The following ENTREP2 variants were observed in gnomAD, a reference collection of about 807,000 sequenced individuals.
ENTREP2 encodes endosomal transmembrane epsin interactor 2.
chr15:29,221,610 G>A, the ENTREP2 span, among the ~76,000 whole-genome samples: 1 of 152,106 alleles, frequency 6.6e-6, no homozygotes, highest in African/African-American at 2.4e-5. Context: ...GAGAGACATG[G>A]AATAAGTTAG....
At chr15:29,573,056 T>C in the ENTREP2 span, among the ~76,000 whole-genome samples, 526 of 152,272 alleles carry the variant, frequency 3.5e-3, 4 homozygotes, top group African/African-American at 0.012. Flanking sequence ...AGTGATGAAT[T>C]AAACAGAAGG....
the ENTREP2 span, among the ~76,000 whole-genome samples, chr15:29,249,759 TAA>T: frequency 2.0e-5 from 3 of 152,110 alleles, no homozygotes; most frequent in African/African-American, 4.8e-5. Flanking sequence ...GGGTAATTTA[TAA>T]AGAGGTTTAA....
the ENTREP2 span, among the ~76,000 whole-genome samples, chr15:29,587,050 G>A: frequency 1.3e-5 from 2 of 151,886 alleles, no homozygotes; most frequent in African/African-American, 4.8e-5. Flanking sequence ...ACATACCCAG[G>A]CTAGGTTACA....
chr15:29,377,294 C>T, the ENTREP2 span, among the ~76,000 whole-genome samples: 1 of 152,068 alleles, frequency 6.6e-6, no homozygotes, highest in African/African-American at 2.4e-5. Flanking sequence ...AACCTCAGTT[C>T]CATTTTGTGG....
At chr15:29,486,380 T>TA in the ENTREP2 span, among the ~76,000 whole-genome samples, 61 of 151,838 alleles carry the variant, frequency 4.0e-4, no homozygotes, top group South Asian at 8.3e-4. Flanking sequence ...TATCTGGCCA[T>TA]AAAAAAAGAA....
the ENTREP2 span, among the ~76,000 whole-genome samples, chr15:29,124,927 G>A: frequency 6.6e-6 from 1 of 152,242 alleles, no homozygotes; most frequent in South Asian, 2.1e-4. Flanking sequence ...CCGCCCTGCA[G>A]CTGGCCAGGC....
the ENTREP2 span, among the ~76,000 whole-genome samples, chr15:29,280,417 A>G: frequency 2.3e-4 from 35 of 152,196 alleles, 1 homozygote; most frequent in African/African-American, 8.4e-4. Flanking sequence ...AATAAAGAAG[A>G]ATGGCATTCC....
At chr15:29,406,486 T>C in the ENTREP2 span, among the ~76,000 whole-genome samples, 1 of 152,064 alleles carries the variant, frequency 6.6e-6, no homozygotes, top group Non-Finnish European at 1.5e-5. Context: ...AGGCAAAGGT[T>C]GCAGTGAGCC....
the ENTREP2 span, among the ~76,000 whole-genome samples, chr15:29,174,688 T>A: frequency 2.8e-3 from 310 of 108,778 alleles, 1 homozygote; most frequent in African/African-American, 0.014. Context: ...AGACTCCAAC[T>A]AAACAAAACA....
At chr15:29,362,896 A>G in the ENTREP2 span, among the ~76,000 whole-genome samples, 4 of 152,232 alleles carry the variant, frequency 2.6e-5, no homozygotes, top group South Asian at 8.3e-4. Flanking sequence ...CTTATGTTAT[A>G]CTTTAGTCTG....
At chr15:29,451,459 C>A in the ENTREP2 span, among the ~76,000 whole-genome samples, 1 of 152,136 alleles carries the variant, frequency 6.6e-6, no homozygotes, top group Non-Finnish European at 1.5e-5. Context: ...AGACCACTGT[C>A]ACAGAGAGCT....
chr15:29,137,203 C>G, the ENTREP2 span: 1 of 1,470,332 alleles, frequency 6.8e-7, no homozygotes, highest in Non-Finnish European at 8.9e-7. Flanking sequence ...AACTGGAAAA[C>G]AGAGACAACC....
At chr15:29,508,021 AAG>A in the ENTREP2 span, among the ~76,000 whole-genome samples, 1 of 152,166 alleles carries the variant, frequency 6.6e-6, no homozygotes, top group Non-Finnish European at 1.5e-5. Flanking sequence ...TAAAGAGGAA[AAG>A]AGAGAAAACT....
chr15:29,437,144 T>C, the ENTREP2 span, among the ~76,000 whole-genome samples: 1 of 152,190 alleles, frequency 6.6e-6, no homozygotes, highest in African/African-American at 2.4e-5. Context: ...CTCCCACTAG[T>C]GCAAAAGGCC....
the ENTREP2 span, among the ~76,000 whole-genome samples, chr15:29,400,259 A>C: frequency 6.6e-6 from 1 of 152,182 alleles, no homozygotes. Context: ...GCAAGCAAAG[A>C]CTGGTTAGAA....
At chr15:29,583,724 C>T in the ENTREP2 span, among the ~76,000 whole-genome samples, 10 of 152,152 alleles carry the variant, frequency 6.6e-5, no homozygotes, top group Non-Finnish European at 1.3e-4. Context: ...GAATCTTGTT[C>T]CCCATAATCC....
chr15:29,566,663 G>A, the ENTREP2 span, among the ~76,000 whole-genome samples: 3 of 152,008 alleles, frequency 2.0e-5, no homozygotes, highest in Non-Finnish European at 4.4e-5. Flanking sequence ...CGCCATGTGG[G>A]CCAGGCTGGT....
At chr15:29,419,432 C>T in the ENTREP2 span, among the ~76,000 whole-genome samples, 2 of 151,692 alleles carry the variant, frequency 1.3e-5, no homozygotes, top group African/African-American at 2.4e-5. Context: ...AAACGAATAC[C>T]CAAACTAAAA....
chr15:29,200,070 T>C, the ENTREP2 span, among the ~76,000 whole-genome samples: 13 of 152,244 alleles, frequency 8.5e-5, no homozygotes, highest in Admixed American at 8.5e-4. Context: ...TCCATTGATC[T>C]ATCTTTCCAC....
Sources: allele counts gnomAD v4.1 joint callset (sites outside exome capture counted in the v4.1 genomes callset), GRCh38; gene constraint gnomAD v4.1.1; transcripts MANE v1.5; gene names NCBI Gene and HGNC (gene_info 2026-07-23, HGNC 2026-07-21).